The following CTNND2 variants were observed in gnomAD, a reference collection of about 807,000 sequenced individuals.
CTNND2 encodes catenin delta 2.
Under a neutral mutation model 144.4 loss-of-function variants are expected in CTNND2, and 22 were observed. The ratio of observed to expected loss-of-function variants is 0.15; its 90% CI spans 0.11 to 0.22. CTNND2 has a LOEUF of 0.22. Ranked by LOEUF, CTNND2 falls within the 10% of genes least tolerant of loss-of-function variation. CTNND2 has a pLI of 1.00. For synonymous variants in CTNND2, 751 were observed against 695.6 expected (o/e 1.08, Z -1.25); for missense variants, 1,353 against 1,618.8 (o/e 0.84, Z 2.82).
At chr5:11,328,397 G>A (rs546475068) in intron 9 of CTNND2, among the ~76,000 whole-genome samples, 2 of 151,262 alleles carry the variant, frequency 1.3e-5, no homozygotes, top group South Asian at 4.2e-4. Flanking sequence ...AGGTTCAGGT[G>A]ATCCTCCTAC....
chr5:11,357,671 G>C (rs911643758), intron 8 of CTNND2, among the ~76,000 whole-genome samples: 1 of 152,086 alleles, frequency 6.6e-6, no homozygotes, highest in Non-Finnish European at 1.5e-5. Flanking sequence ...AGAATAGCTA[G>C]AAGAGAGGCT....
intron 8 of CTNND2, among the ~76,000 whole-genome samples, chr5:11,347,935 A>T (rs982514397): frequency 1.3e-5 from 2 of 152,208 alleles, no homozygotes; most frequent in Non-Finnish European, 2.9e-5. Flanking sequence ...AATGGGAGGA[A>T]TACACTCTAA....
chr5:11,169,931 A>G (rs1193511649), intron 11 of CTNND2, among the ~76,000 whole-genome samples: 1 of 152,252 alleles, frequency 6.6e-6, no homozygotes, highest in Non-Finnish European at 1.5e-5. Context: ...CTACATGTCC[A>G]AAACAAGACC....
chr5:11,508,596 A>G (rs1389288215), intron 3 of CTNND2, among the ~76,000 whole-genome samples: 1 of 152,154 alleles, frequency 6.6e-6, no homozygotes, highest in African/African-American at 2.4e-5. Flanking sequence ...TTGGGGTTAG[A>G]AAAAAATAAA....
intron 9 of CTNND2, among the ~76,000 whole-genome samples, chr5:11,344,392 A>G (rs1382572758): frequency 9.2e-6 from 1 of 108,656 alleles, no homozygotes; most frequent in African/African-American, 4.4e-5. Context: ...ACTCCGTCTC[A>G]AAAAAAAAAA....
At chr5:11,856,047 C>T (rs1256555592) in intron 1 of CTNND2, among the ~76,000 whole-genome samples, 1 of 152,148 alleles carries the variant, frequency 6.6e-6, no homozygotes, top group African/African-American at 2.4e-5. Flanking sequence ...TTTGGCAGGA[C>T]ACAAAATCTT....
chr5:11,327,978 C>A (rs759269381), intron 9 of CTNND2, among the ~76,000 whole-genome samples: 24 of 152,080 alleles, frequency 1.6e-4, no homozygotes, highest in Admixed American at 1.0e-3. Flanking sequence ...TGGAAAAATT[C>A]AAGATGTGGT....
chr5:11,500,578 G>GGCA (rs1423250006), intron 3 of CTNND2, among the ~76,000 whole-genome samples: 1 of 152,102 alleles, frequency 6.6e-6, no homozygotes, highest in Non-Finnish European at 1.5e-5. Context: ...CTAATCAAAA[G>GGCA]GCAGCAGACC....
intron 3 of CTNND2, among the ~76,000 whole-genome samples, chr5:11,502,027 C>CAAAA (rs547364682): frequency 7.0e-5 from 4 of 57,224 alleles, no homozygotes; most frequent in Non-Finnish European, 1.7e-4. Flanking sequence ...GACTCCATCT[C>CAAAA]AAAAAAAAAA....
chr5:11,429,946 A>G (rs1219922936), intron 3 of CTNND2, among the ~76,000 whole-genome samples: 1 of 152,080 alleles, frequency 6.6e-6, no homozygotes, highest in Non-Finnish European at 1.5e-5. Flanking sequence ...GTTAATCTTC[A>G]TTTTCACTAC....
intron 1 of CTNND2, among the ~76,000 whole-genome samples, chr5:11,809,418 G>A (rs61761649): frequency 0.014 from 2,079 of 152,244 alleles, 27 homozygotes; most frequent in South Asian, 0.064. Context: ...TATCTACCAA[G>A]AAAATTATTT....
chr5:11,070,839 G>T (rs530301399), intron 16 of CTNND2, among the ~76,000 whole-genome samples: 2 of 152,278 alleles, frequency 1.3e-5, no homozygotes, highest in South Asian at 2.1e-4. Context: ...TCTTCAGGCA[G>T]AAGGGAAATT....
At chr5:11,782,854 G>A (rs1790618264) in intron 1 of CTNND2, among the ~76,000 whole-genome samples, 1 of 152,090 alleles carries the variant, frequency 6.6e-6, no homozygotes, top group Non-Finnish European at 1.5e-5. Context: ...GTATTTTCAG[G>A]GACCGAGTAA....
At chr5:11,213,949 A>T (rs1489804807) in intron 10 of CTNND2, among the ~76,000 whole-genome samples, 1 of 152,150 alleles carries the variant, frequency 6.6e-6, no homozygotes, top group Non-Finnish European at 1.5e-5. Context: ...CCAAAATGGG[A>T]TTCATTCAGT....
At chr5:11,259,268 C>T (rs1744603072) in intron 9 of CTNND2, among the ~76,000 whole-genome samples, 1 of 152,180 alleles carries the variant, frequency 6.6e-6, no homozygotes, top group South Asian at 2.1e-4. Flanking sequence ...CTCTTTCTCC[C>T]TCTCTGTGTG....
At chr5:11,140,768 T>C (rs963260558) in intron 12 of CTNND2, among the ~76,000 whole-genome samples, 3 of 152,162 alleles carry the variant, frequency 2.0e-5, no homozygotes, top group African/African-American at 7.2e-5. Context: ...CATCTGTGTA[T>C]AGTATTGGAG....
In CTNND2 at chr5:11,158,774, A is replaced by C. The variant is rs369915443; in HGVS notation, c.2159+802T>G. Among the ~76,000 whole-genome samples, 9 of 152,316 alleles carry C rather than the reference A, an allele frequency of 5.9e-5. No homozygotes were observed. In the East Asian group the frequency reaches 7.7e-4, roughly 13 times the overall value. On this transcript the variant is annotated intron_variant, in intron 12 of 21. Transcript: ENST00000304623. ...AAACAATCCTGTATGTTTCACTTTC[A>C]AAATATAGATTATTTGGCTAGGTGT...
At chr5:11,635,756 C>G (rs946907410) in intron 2 of CTNND2, among the ~76,000 whole-genome samples, 2 of 151,850 alleles carry the variant, frequency 1.3e-5, no homozygotes, top group African/African-American at 4.8e-5. Flanking sequence ...ATTCTTTAAC[C>G]CCTTGTTTTC....
At chr5:11,432,622 A>G (rs1763402009) in intron 3 of CTNND2, among the ~76,000 whole-genome samples, 1 of 152,218 alleles carries the variant, frequency 6.6e-6, no homozygotes, top group Admixed American at 6.5e-5. Context: ...TTTCAACTAA[A>G]CAGTGATATT....
Sources: allele counts gnomAD v4.1 joint callset (sites outside exome capture counted in the v4.1 genomes callset), GRCh38; gene constraint gnomAD v4.1.1; transcripts MANE v1.5; gene names NCBI Gene and HGNC (gene_info 2026-07-23, HGNC 2026-07-21).